The following LTBP1 variants were observed in gnomAD, a reference collection of about 807,000 sequenced individuals.
The protein encoded by LTBP1 is latent transforming growth factor beta binding protein 1.
LTBP1 carries 129 observed loss-of-function variants against 207.6 expected under a neutral mutation model. The ratio of observed to expected loss-of-function variants is 0.62; its 90% CI spans 0.54 to 0.72. The LOEUF is 0.72. LTBP1 is among the 30% of genes least tolerant of loss of function. The pLI is 0.00. For synonymous variants in LTBP1, 963 were observed against 833.7 expected, an observed-to-expected ratio of 1.16 and a Z score of -2.67; for missense variants, 2,281 against 2,217.2, an observed-to-expected ratio of 1.03 and a Z score of -0.58.
chr2:33,218,948 A>G (rs1048274357), intron 8 of LTBP1, among the ~76,000 whole-genome samples: 3 of 152,122 alleles, frequency 2.0e-5, no homozygotes, highest in African/African-American at 7.2e-5. Context: ...TTAAACCTCT[A>G]TATTCAATCT....
chr2:33,025,624 A>G (rs1461717250), intron 3 of LTBP1, among the ~76,000 whole-genome samples: 1 of 152,256 alleles, frequency 6.6e-6, no homozygotes, highest in East Asian at 1.9e-4. Flanking sequence ...ATTTGATGAT[A>G]TAAATGAATG....
intron 24 of LTBP1, among the ~76,000 whole-genome samples, chr2:33,326,718 G>T (rs2094433150): frequency 6.7e-6 from 1 of 149,680 alleles, no homozygotes; most frequent in Non-Finnish European, 1.5e-5. Flanking sequence ...GAGTGCAGTG[G>T]TGCAATCTCA....
At chr2:33,150,002 C>T (rs955887913) in intron 5 of LTBP1, among the ~76,000 whole-genome samples, 7 of 152,156 alleles carry the variant, frequency 4.6e-5, no homozygotes, top group African/African-American at 1.4e-4. Flanking sequence ...AAAGAAAAAA[C>T]TATTCAAGCA....
chr2:33,232,717 ACTG>A (rs926340747), intron 9 of LTBP1, among the ~76,000 whole-genome samples: 2 of 152,194 alleles, frequency 1.3e-5, no homozygotes, highest in Non-Finnish European at 2.9e-5. Flanking sequence ...TTCAAATTTG[ACTG>A]CTATCTTGTA....
chr2:33,097,241 C>T (rs1008583191), intron 3 of LTBP1, among the ~76,000 whole-genome samples: 1 of 151,906 alleles, frequency 6.6e-6, no homozygotes, highest in African/African-American at 2.4e-5. Flanking sequence ...TCAATATTAC[C>T]CTATATATGC....
intron 24 of LTBP1, among the ~76,000 whole-genome samples, chr2:33,329,826 T>C (rs571789405): frequency 6.6e-6 from 1 of 152,242 alleles, no homozygotes; most frequent in South Asian, 2.1e-4. Flanking sequence ...AGTTCTAACT[T>C]CTTCAATTCT....
chr2:33,212,982 T>A (rs1396894387), intron 7 of LTBP1, among the ~76,000 whole-genome samples: 2 of 152,220 alleles, frequency 1.3e-5, no homozygotes, highest in Non-Finnish European at 2.9e-5. Flanking sequence ...GGCTTCCTCT[T>A]GCTCAGGGTA....
intron 32 of LTBP1, 37 bp from the exon 33 acceptor site, chr2:33,397,096 A>T: frequency 6.3e-7 from 1 of 1,595,184 alleles, no homozygotes; most frequent in Admixed American, 1.7e-5. Context: ...TAGGAAGTTG[A>T]GAAGCTCTAA....
At chr2:33,329,412 C>G (rs2094468643) in intron 24 of LTBP1, among the ~76,000 whole-genome samples, 4 of 152,018 alleles carry the variant, frequency 2.6e-5, no homozygotes, top group Admixed American at 2.6e-4. Context: ...TAATGAAGTC[C>G]AGTGTTTTAA....
chr2:33,366,961 AT>A (rs1470941822), intron 31 of LTBP1, among the ~76,000 whole-genome samples: 1 of 152,144 alleles, frequency 6.6e-6, no homozygotes, highest in Non-Finnish European at 1.5e-5. Context: ...CTCCTAAAGT[AT>A]TAAAATAATC....
intron 9 of LTBP1, among the ~76,000 whole-genome samples, chr2:33,237,864 G>C (rs1056614033): frequency 6.6e-6 from 1 of 152,154 alleles, no homozygotes; most frequent in Non-Finnish European, 1.5e-5. Flanking sequence ...GGGAAGATAG[G>C]AAAGGAAGAT....
Position 33,267,741 on chromosome 2 carries a change from CA to C in LTBP1, c.2617+4352del, listed in dbSNP as rs35212037. 8.5e-4 allele frequency among the ~76,000 whole-genome samples: 130 copies of C among 152,310 alleles called. 1 individual carries two copies. The East Asian group carries it at 0.023, about 26-fold the overall frequency. ...CTGACTTAAATGGACAAACCTCTTT[CA>C]AACTAGCTTTGTAGAGGTTAAGTTC... On this transcript the variant is annotated intron_variant, in intron 15 of 33. Coordinates refer to ENST00000404816, the MANE Select transcript of LTBP1 (RefSeq NM_206943.4).
intron 3 of LTBP1, among the ~76,000 whole-genome samples, chr2:33,108,677 T>C (rs888718127): frequency 6.6e-6 from 1 of 152,132 alleles, no homozygotes; most frequent in Admixed American, 6.5e-5. Flanking sequence ...TTTCCTTTCC[T>C]GAATAGGAGC....
At chr2:32,961,062 T>G (rs1487431312) in intron 2 of LTBP1, among the ~76,000 whole-genome samples, 1 of 152,238 alleles carries the variant, frequency 6.6e-6, no homozygotes, top group Non-Finnish European at 1.5e-5. Flanking sequence ...AAGGATTTAG[T>G]ATTTTTTAAG....
chr2:33,157,129 A>G (rs1324441923), intron 5 of LTBP1, among the ~76,000 whole-genome samples: 1 of 152,202 alleles, frequency 6.6e-6, no homozygotes, highest in African/African-American at 2.4e-5. Context: ...TGGAAATTTA[A>G]TATCTACTTT....
At chr2:33,115,089 T>C (rs916583192) in intron 4 of LTBP1, among the ~76,000 whole-genome samples, 11 of 133,546 alleles carry the variant, frequency 8.2e-5, no homozygotes, top group Non-Finnish European at 1.3e-4. Flanking sequence ...CACAAATATA[T>C]ATACACACAT....
chr2:33,350,500 T>C (rs927156193), intron 26 of LTBP1, among the ~76,000 whole-genome samples: 2 of 152,212 alleles, frequency 1.3e-5, no homozygotes, highest in Non-Finnish European at 2.9e-5. Flanking sequence ...GAGCACCCAC[T>C]TCCAGCAGGG....
In LTBP1 at chr2:33,323,728, A is replaced by G. The variant is rs186406703; in HGVS notation, c.3730+8459A>G. On this transcript the variant is annotated intron_variant, in intron 24 of 33. Transcript: ENST00000404816. ...CAATACGCATTTGGCAAATGAATCA[A>G]GGGAGGAAGGGACAGTCTGTAGCTC... 2.0e-4 allele frequency among the ~76,000 whole-genome samples: 31 copies of G among 152,328 alleles called. No homozygotes were observed. In the East Asian group the frequency reaches 5.4e-3, roughly 27 times the overall value.
intron 31 of LTBP1, among the ~76,000 whole-genome samples, chr2:33,384,704 T>A (rs2095250692): frequency 3.3e-5 from 5 of 152,306 alleles, no homozygotes. Flanking sequence ...GAGTTTCTTG[T>A]GGGAAGTTAT....
Sources: gnomAD v4.1 joint callset for allele counts (sites outside exome capture counted in the v4.1 genomes callset) on GRCh38, gnomAD v4.1.1 for gene constraint, MANE v1.5 for transcripts, NCBI Gene and HGNC (gene_info 2026-07-23, HGNC 2026-07-21) for gene names.